Variants in AIFM3 observed in about 807,000 individuals in gnomAD.
The protein encoded by AIFM3 is apoptosis-inducing factor 3.
Under a neutral mutation model 82.7 loss-of-function variants are expected in AIFM3, and 71 were observed. The observed-to-expected ratio is 0.86, with a 90% CI of 0.71 to 1.05. AIFM3 has a LOEUF of 1.05. Among genes scored for constraint, AIFM3 ranks in the 50% least tolerant of loss-of-function variants. The pLI is 0.00. For missense variants in AIFM3, 748 were observed against 816.7 expected, an observed-to-expected ratio of 0.92 and a Z score of 1.03; for synonymous variants, 337 against 329.1, an observed-to-expected ratio of 1.02 and a Z score of -0.26.
intron 4 of AIFM3, 67 bp from the exon 5 acceptor site, chr22:20,973,996 C>T (rs376565725): frequency 1.2e-5 from 18 of 1,519,188 alleles, no homozygotes; most frequent in East Asian, 4.8e-5. Context: ...CCGCAGTTGC[C>T]GGGGCACTGA....
intron 19 of AIFM3, 140 bp downstream of exon 19, chr22:20,980,264 A>G: frequency 1.4e-6 from 1 of 712,774 alleles, no homozygotes; most frequent in South Asian, 1.8e-5. Context: ...TTACAGGACT[A>G]CAGGGAGGTG....
chr22:20,975,280 GAC>G lies in AIFM3; in HGVS notation c.721-410_721-409del, dbSNP rs554232669. On this transcript the variant is annotated intron_variant, in intron 8 of 20. Transcript: ENST00000440238. ...CTGCACCTGGCTTTTCTTTTTTTGA[GAC>G]AGAGTCTTGCTCTGTCACTCAGGCT... Among the ~76,000 whole-genome samples the G allele has an allele frequency of 6.5e-3, 989 of 151,812 alleles. 10 individuals are homozygous for G. The highest frequency in any genetic ancestry group is 0.023 in the African/African-American group (935 of 41,360).
chr22:20,977,758 C>A lies in AIFM3; in HGVS notation c.1341C>A (p.Gly447=). 1 of 1,614,166 alleles carries A rather than the reference C, an allele frequency of 6.2e-7. No individual in the cohort carries two copies. Among genetic ancestry groups the A allele is most frequent in the Non-Finnish European group, 8.5e-7 (1 of 1,180,038 alleles). Residue 447 remains glycine (G), a synonymous_variant, in exon 15 of 21, where the codon GGC becomes GGA. Transcript: ENST00000440238. Reference sequence around the variant, plus strand: ...GCGGCATCGGTTTGGATTCCCGAGGCTTCATCCCTGTCAACAAGGTGGGGT... The same window carrying A: ...GCGGCATCGGTTTGGATTCCCGAGGATTCATCCCTGTCAACAAGGTGGGGT... The part of the protein sequence containing the change: ...RQSGIGLDSR[G]FIPVNKMMQT...
chr22:20,976,718 G>T lies in AIFM3; in HGVS notation c.1098G>T (p.Thr366=). Residue 366 remains threonine (T), a synonymous_variant, in exon 12 of 21, where the codon ACG becomes ACT. Transcript: ENST00000440238. ...HSVSVVELEE[T]PFRRFLGERV... is the part of the protein sequence containing the mutation. ...TGTCTGTGGTGGAGCTGGAGGAGAC[G>T]CCCTTCAGGAGGTTCCTGGGGGAGC... The T allele has an allele frequency of 6.2e-7, 1 of 1,609,272 alleles. No homozygotes were observed. Among genetic ancestry groups the T allele is most frequent in the Non-Finnish European group, 8.5e-7 (1 of 1,177,766 alleles).
upstream of AIFM3, among the ~76,000 whole-genome samples, chr22:20,965,977 G>A (rs1444094193): frequency 2.6e-5 from 4 of 152,274 alleles, no homozygotes; most frequent in Non-Finnish European, 5.9e-5. Flanking sequence ...GCACTCTGGG[G>A]GTCCCTCCTG....
In AIFM3 at chr22:20,976,736, G is replaced by C. The variant is rs780610191; in HGVS notation, c.1116G>C (p.Leu372=). The C allele has an allele frequency of 1.2e-6, 2 of 1,610,038 alleles. No individual in the cohort carries two copies. Among genetic ancestry groups the C allele is most frequent in the Non-Finnish European group, 1.7e-6 (2 of 1,178,106 alleles). ...ELEETPFRRF[L]GERVGRALMK... ...AGGAGACGCCCTTCAGGAGGTTCCT[G>C]GGGGAGCGCGTGGGTCGTGCCCTCA... The change falls in exon 12 of 21, where the codon CTG becomes CTC. Residue 372 remains leucine (L), a synonymous_variant. Coordinates refer to ENST00000440238, the MANE Select transcript of AIFM3 (RefSeq NM_001386814.1).
chr22:20,971,671 G>A (rs1308751985), intron 2 of AIFM3, among the ~76,000 whole-genome samples: 3 of 152,198 alleles, frequency 2.0e-5, no homozygotes, highest in Non-Finnish European at 2.9e-5. Flanking sequence ...CAGAGGTGCT[G>A]GTGCCTTGGG....
chr22:20,976,952 C>T lies in AIFM3; in HGVS notation c.1218+14C>T, dbSNP rs1923722696. The T allele has an allele frequency of 6.2e-7, 1 of 1,613,058 alleles. No individual in the cohort carries two copies. The highest frequency in any genetic ancestry group is 1.7e-5 in the Admixed American group (1 of 60,010). Reference sequence around the variant, plus strand: ...CAGGAGGGAAAGGTGGGCCCTTCTCCCTTCTCCCTGCTGCTTTCTGTCCTC... The same window carrying T: ...CAGGAGGGAAAGGTGGGCCCTTCTCTCTTCTCCCTGCTGCTTTCTGTCCTC... On this transcript the variant is annotated intron_variant, in intron 13 of 20. Transcript: ENST00000440238.
intron 3 of AIFM3, 115 bp downstream of exon 3, chr22:20,973,635 G>T: frequency 7.2e-7 from 1 of 1,396,402 alleles, no homozygotes; most frequent in Non-Finnish European, 9.7e-7. Context: ...CTGCTGCCCT[G>T]GTCACTGCCT....
chr22:20,975,823 G>C, intron 9 of AIFM3, 45 bp downstream of exon 9: 1 of 1,597,390 alleles, frequency 6.3e-7, no homozygotes, highest in East Asian at 2.2e-5. Context: ...GGGAAGGTGG[G>C]AACCGTGAGG....
chr22:20,981,313 AAC>A lies in AIFM3; in HGVS notation c.*285_*286del, dbSNP rs1490108576. Reference sequence around the variant, plus strand: ...GGACTGGTCCCCTGAAGAACCCTGCAACACGTTAAACATTACCGTAAAATTAA... The same window carrying A: ...GGACTGGTCCCCTGAAGAACCCTGCAACGTTAAACATTACCGTAAAATTAA... On this transcript the variant is annotated 3_prime_UTR_variant, in exon 21 of 21. Coordinates refer to ENST00000440238, the MANE Select transcript of AIFM3 (RefSeq NM_001386814.1). The A allele has an allele frequency of 3.9e-6, 2 of 513,672 alleles. No individual in the cohort carries two copies. Among genetic ancestry groups the A allele is most frequent in the Non-Finnish European group, 7.1e-6 (2 of 281,826 alleles). The allele number at this position is 513,672 out of a possible 1,614,324, so 31.8% of individuals were successfully genotyped here. A position where few individuals can be genotyped will look rare whatever the true frequency, so the allele number is the denominator to read the frequency against.
At position 20,976,448 on chromosome 22, in the gene AIFM3, G is replaced by C. The variant is rs776650994; in HGVS notation, c.940G>C (p.Val314Leu). 1 of 1,614,086 alleles carries C rather than the reference G, an allele frequency of 6.2e-7. No individual in the cohort carries two copies. The highest frequency in any genetic ancestry group is 1.1e-5 in the South Asian group (1 of 91,082). ...LSCKGKEVEN[V>L]FTIRTPEDAN... The stretch of plus-strand genomic sequence containing the variant: ...CTGCAAAGGCAAAGAAGTGGAGAAC[G>C]TGTTCACTATCCGGACGCCAGAGGA... Residue 314 changes from valine (V) to leucine (L), a missense_variant, in exon 11 of 21, where the codon GTG becomes CTG. This residue lies in a region of AIFM3 where 393 missense variants were observed against 481.1 expected (regional missense o/e 0.82). Transcript: ENST00000440238.
At position 20,974,065 on chromosome 22, in the gene AIFM3, G is replaced by A. The variant is rs768350092; in HGVS notation, c.358G>A (p.Val120Ile). The change falls in exon 5 of 21, where the codon GTT becomes ATT. Residue 120 changes from valine to isoleucine, a missense_variant and splice_region_variant. By Grantham distance (29) the Val-to-Ile change is conservative. This residue lies in a region of AIFM3 where 148 missense variants were observed against 134.1 expected (regional missense o/e 1.10). Transcript: ENST00000440238. Reference protein sequence around the residue: ...PHYGAPLVKGVLSRGRVRCPW... With the variant: ...PHYGAPLVKGILSRGRVRCPW... ...AGCCTAACACCTCCCCTTCCCAGGC[G>A]TTCTGTCCCGTGGTCGGGTGCGCTG... is the stretch of plus-strand genomic sequence containing the variant. The A allele has an allele frequency of 6.2e-6, 10 of 1,606,476 alleles. No homozygotes were observed. The South Asian group carries it at 6.7e-5, about 11-fold the overall frequency.
chr22:20,966,764 G>A (rs1041117651), upstream of AIFM3: 1 of 152,306 alleles, frequency 6.6e-6, no homozygotes, highest in East Asian at 1.9e-4. Flanking sequence ...TGCTGTGCAG[G>A]TGTCCCCTCC....
intron 19 of AIFM3, chr22:20,980,399 AAT>A: frequency 1.7e-6 from 1 of 595,470 alleles, no homozygotes; most frequent in Non-Finnish European, 3.0e-6. Flanking sequence ...ATGCATGGGC[AAT>A]CACCAGGCGT....
rs1387598792 is a variant in AIFM3, at chr22:20,975,852, T to TG, written c.807+78dup. ...CGTGAGGTTGTGTGGGCCCCTGGGGTGGGGTCTTGGTGCTCTACCTTCCTG... is the reference window on the plus strand; with the variant it reads ...CGTGAGGTTGTGTGGGCCCCTGGGGTGGGGGTCTTGGTGCTCTACCTTCCTG... On this transcript the variant is annotated intron_variant, in intron 9 of 20. Coordinates refer to ENST00000440238, the MANE Select transcript of AIFM3 (RefSeq NM_001386814.1). 3.0e-5 allele frequency: 45 copies of TG among 1,524,872 alleles called. No individual in the cohort carries two copies. In the Admixed American group the frequency reaches 7.5e-4, roughly 25 times the overall value. The allele number at this position is 1,524,872 out of a possible 1,614,324, so 94.5% of individuals were successfully genotyped here.
chr22:20,975,167 A>G lies in AIFM3; in HGVS notation c.720+351A>G, dbSNP rs149113545. Among the ~76,000 whole-genome samples the G allele has an allele frequency of 3.9e-3, 580 of 148,254 alleles. 12 individuals carry two copies. The East Asian group carries it at 0.058, about 15-fold the overall frequency. ...TTTTTAGTAGAGATGGGGTTTCACCATGTTGCCCAGACCAGTCTTGAACTC... is the reference window on the plus strand; with the variant it reads ...TTTTTAGTAGAGATGGGGTTTCACCGTGTTGCCCAGACCAGTCTTGAACTC... On this transcript the variant is annotated intron_variant, in intron 8 of 20. Transcript: ENST00000440238.
intron 2 of AIFM3, 90 bp from the exon 3 acceptor site, chr22:20,973,217 A>C (rs1601702867): frequency 6.9e-7 from 1 of 1,458,480 alleles, no homozygotes; most frequent in Non-Finnish European, 9.3e-7. Context: ...GCCTCCTGGC[A>C]CCCCGAGGAG....
intron 2 of AIFM3, among the ~76,000 whole-genome samples, chr22:20,971,447 C>G (rs1227138456): frequency 6.6e-6 from 1 of 152,104 alleles, no homozygotes; most frequent in Admixed American, 6.6e-5. Flanking sequence ...GGGGACCTGG[C>G]CAGCGTGGAG....
Sources: allele counts gnomAD v4.1 joint callset (sites outside exome capture counted in the v4.1 genomes callset), GRCh38; gene constraint gnomAD v4.1.1; regional missense constraint gnomAD v4.1.1; transcripts MANE v1.5; gene names NCBI Gene and HGNC (gene_info 2026-07-23, HGNC 2026-07-21).